The following SUCLG2 variants were observed in gnomAD, a reference collection of about 807,000 sequenced individuals.
SUCLG2 encodes the protein succinate--CoA ligase [GDP-forming] subunit beta, mitochondrial.
SUCLG2 carries 42 observed loss-of-function variants against 47.9 expected under a neutral mutation model. That is an observed-to-expected ratio of 0.88 (90% CI 0.69 to 1.14). The LOEUF (loss-of-function observed/expected upper bound fraction) is 1.14. SUCLG2 is among the 50% of genes most tolerant of loss of function. SUCLG2 has a pLI of 0.00. For synonymous variants in SUCLG2, 195 were observed against 197.3 expected (o/e 0.99, Z 0.10); for missense variants, 571 against 525.9 (o/e 1.09, Z -0.84).
chr3:67,592,996 A>G (rs898126110), intron 2 of SUCLG2, among the ~76,000 whole-genome samples: 1 of 152,214 alleles, frequency 6.6e-6, no homozygotes, highest in Non-Finnish European at 1.5e-5. Context: ...TAGGTAGCCA[A>G]TGAAGGCTAT....
intron 9 of SUCLG2, among the ~76,000 whole-genome samples, chr3:67,419,037 C>A (rs1703096925): frequency 6.6e-6 from 1 of 151,994 alleles, no homozygotes; most frequent in African/African-American, 2.4e-5. Context: ...AATGGTATGA[C>A]ACTTAAGAGT....
At chr3:67,639,185 G>A (rs534394370) in intron 1 of SUCLG2, among the ~76,000 whole-genome samples, 2 of 152,220 alleles carry the variant, frequency 1.3e-5, no homozygotes, top group South Asian at 4.1e-4. Context: ...CGAAAAAAAT[G>A]TATATGTATC....
chr3:67,380,298 C>A (rs1001438032), intron 10 of SUCLG2, among the ~76,000 whole-genome samples: 1 of 151,948 alleles, frequency 6.6e-6, no homozygotes, highest in Non-Finnish European at 1.5e-5. Flanking sequence ...GTTACCACTT[C>A]TCCCAACCTG....
At chr3:67,510,523 G>A (rs1480926518) in intron 6 of SUCLG2, among the ~76,000 whole-genome samples, 1 of 152,130 alleles carries the variant, frequency 6.6e-6, no homozygotes, top group East Asian at 1.9e-4. Flanking sequence ...CTTCATATGA[G>A]AGACAGTCTA....
intron 2 of SUCLG2, among the ~76,000 whole-genome samples, chr3:67,534,840 G>C (rs2772485): frequency 4.0e-5 from 3 of 75,666 alleles, no homozygotes; most frequent in African/African-American, 1.5e-4. Flanking sequence ...ACTAATTAAA[G>C]AATTTCTAAC....
intron 9 of SUCLG2, among the ~76,000 whole-genome samples, chr3:67,443,284 CGG>C (rs1703821958): frequency 1.1e-5 from 1 of 90,960 alleles, no homozygotes; most frequent in South Asian, 4.1e-4. Flanking sequence ...AATTAGATCT[CGG>C]ACCGCCGGGA....
intron 9 of SUCLG2, among the ~76,000 whole-genome samples, chr3:67,411,369 G>T (rs1313466859): frequency 6.6e-6 from 1 of 151,924 alleles, no homozygotes; most frequent in African/African-American, 2.4e-5. Flanking sequence ...GTAAAACGAT[G>T]GTGGAATATA....
intron 9 of SUCLG2, among the ~76,000 whole-genome samples, chr3:67,459,054 T>C (rs1344134331): frequency 6.6e-6 from 1 of 152,204 alleles, no homozygotes; most frequent in African/African-American, 2.4e-5. Flanking sequence ...TTCATTCACA[T>C]GGAAGGTCAA....
At chr3:67,406,119 C>A (rs76251747) in intron 9 of SUCLG2, among the ~76,000 whole-genome samples, 6 of 152,054 alleles carry the variant, frequency 3.9e-5, no homozygotes, top group African/African-American at 1.2e-4. Flanking sequence ...ATGAGAAAAC[C>A]AAGACTCAGA....
At chr3:67,435,353 CTGAAGCAGAAAATA>C (rs1703592561) in intron 9 of SUCLG2, among the ~76,000 whole-genome samples, 1 of 152,092 alleles carries the variant, frequency 6.6e-6, no homozygotes, top group South Asian at 2.1e-4. Flanking sequence ...GTGGCTCTGG[CTGAAGCAGAAAATA>C]TGTATTATTA....
chr3:67,374,660 G>A (rs1701998804), downstream of SUCLG2: 5 of 686,108 alleles, frequency 7.3e-6, no homozygotes, highest in Non-Finnish European at 9.0e-6. Flanking sequence ...TAGTGTCTTT[G>A]TAAAAAAAAA....
At chr3:67,585,905 A>G (rs972155233) in intron 2 of SUCLG2, among the ~76,000 whole-genome samples, 59 of 144,634 alleles carry the variant, frequency 4.1e-4, no homozygotes, top group African/African-American at 1.4e-3. Context: ...AGGTGGAGGT[A>G]GCAGTGAGCC....
intron 10 of SUCLG2, among the ~76,000 whole-genome samples, chr3:67,386,922 T>C (rs1370047231): frequency 1.3e-5 from 2 of 152,170 alleles, no homozygotes; most frequent in Non-Finnish European, 2.9e-5. Context: ...CCCCATCCTT[T>C]GACATGAAGA....
chr3:67,635,335 C>A (rs956544202), intron 1 of SUCLG2, among the ~76,000 whole-genome samples: 1 of 152,112 alleles, frequency 6.6e-6, no homozygotes, highest in African/African-American at 2.4e-5. Context: ...CAACTGTGAA[C>A]TAAGCATATG....
intron 1 of SUCLG2, among the ~76,000 whole-genome samples, chr3:67,635,826 G>T (rs191301127): frequency 8.7e-4 from 132 of 152,292 alleles, no homozygotes; most frequent in Admixed American, 2.5e-3. Flanking sequence ...CAGGCCTTTT[G>T]TTTCCCATTT....
At chr3:67,492,277 T>C (rs763145342) in intron 9 of SUCLG2, among the ~76,000 whole-genome samples, 3 of 152,226 alleles carry the variant, frequency 2.0e-5, no homozygotes, top group Non-Finnish European at 4.4e-5. Flanking sequence ...CCTTTCCTTG[T>C]ATTCACTTCA....
At chr3:67,602,352 T>C (rs1430170560) in intron 2 of SUCLG2, among the ~76,000 whole-genome samples, 1 of 152,192 alleles carries the variant, frequency 6.6e-6, no homozygotes, top group African/African-American at 2.4e-5. Context: ...TTCTCATTTG[T>C]TTCTGAGAAA....
intron 1 of SUCLG2, among the ~76,000 whole-genome samples, chr3:67,616,454 T>C (rs1700630965): frequency 1.3e-5 from 2 of 152,086 alleles, no homozygotes; most frequent in South Asian, 4.1e-4. Context: ...CATAAGTAAA[T>C]GTATAGGAAA....
At chr3:67,455,859 T>G (rs1276432574) in intron 9 of SUCLG2, among the ~76,000 whole-genome samples, 2 of 152,184 alleles carry the variant, frequency 1.3e-5, no homozygotes, top group Non-Finnish European at 2.9e-5. Flanking sequence ...ATTCCAGGTC[T>G]TTACCTCCAT....
Sources: allele counts gnomAD v4.1 joint callset (sites outside exome capture counted in the v4.1 genomes callset), GRCh38; gene constraint gnomAD v4.1.1; transcripts MANE v1.5; gene names NCBI Gene and HGNC (gene_info 2026-07-23, HGNC 2026-07-21).